Variants in CARD14 observed in about 807,000 individuals in gnomAD.
CARD14 encodes the protein caspase recruitment domain-containing protein 14.
Under a neutral mutation model 111.5 loss-of-function variants are expected in CARD14, and 107 were observed. The ratio of observed to expected loss-of-function variants is 0.96; its 90% CI spans 0.82 to 1.13. The LOEUF (loss-of-function observed/expected upper bound fraction) is 1.13, where lower values mean the gene tolerates loss of function less well. Among genes scored for constraint, CARD14 ranks in the 50% most tolerant of loss-of-function variants. The pLI, the probability that CARD14 is intolerant of heterozygous loss-of-function variation, is 0.00. For synonymous variants in CARD14, 617 were observed against 579.6 expected (o/e 1.06, Z -0.93); for missense variants, 1,322 against 1,362.3 (o/e 0.97, Z 0.47).
chr17:80,175,756 C>G (rs570120982), intron 2 of CARD14, among the ~76,000 whole-genome samples: 195 of 152,088 alleles, frequency 1.3e-3, no homozygotes, highest in Non-Finnish European at 2.4e-3. Context: ...GGGGGCCCAG[C>G]CTAGGCTGAA....
At chr17:80,174,339 A>G (rs1442578388) in intron 2 of CARD14, among the ~76,000 whole-genome samples, 2 of 152,192 alleles carry the variant, frequency 1.3e-5, no homozygotes, top group African/African-American at 4.8e-5. Flanking sequence ...CAGCCTCCCA[A>G]GTAGTTGGGA....
At chr17:80,172,084 T>C (rs1169988398) in intron 1 of CARD14, among the ~76,000 whole-genome samples, 1 of 152,252 alleles carries the variant, frequency 6.6e-6, no homozygotes, top group Non-Finnish European at 1.5e-5. Flanking sequence ...CAACTCGATA[T>C]AGTAAGATAC....
rs1192824295 is a variant in CARD14 at position 80,181,425 on chromosome 17, C to G, written c.-14C>G. On this transcript the variant is annotated 5_prime_UTR_variant, in exon 5 of 24. Transcript: ENST00000648509. ...CCATGGCCACCCCTCCTAGGGTCCT[C>G]CCAGCGCCCAGCCATGGGGGAACTG... The G allele has an allele frequency of 1.3e-6, 2 of 1,556,498 alleles. No individual in the cohort carries two copies. Among genetic ancestry groups the G allele is most frequent in the Non-Finnish European group, 1.7e-6 (2 of 1,150,016 alleles).
At chr17:80,177,888 A>G (rs2040063791) in intron 2 of CARD14, among the ~76,000 whole-genome samples, 1 of 152,036 alleles carries the variant, frequency 6.6e-6, no homozygotes, top group Admixed American at 6.6e-5. Flanking sequence ...ACTAGGGCCC[A>G]CCCTAATGAC....
rs2040501890 is a variant in CARD14, at chr17:80,190,829, G to A, written c.1019G>A (p.Cys340Tyr). The change falls in exon 10 of 24, where the codon TGC becomes TAC. Residue 340 changes from cysteine (C) to tyrosine (Y), a missense_variant. Transcript: ENST00000648509. Reference protein sequence around the residue: ...LLQFQKSKMACQLYREKVNAL... With the variant: ...LLQFQKSKMAYQLYREKVNAL... ...CAGTTCCAGAAGAGTAAGATGGCCT[G>A]CCAACTCTACAGGGAGAAGGTGAAT... 12 of 1,614,000 alleles carry A rather than the reference G, an allele frequency of 7.4e-6. No individual in the cohort carries two copies. Among genetic ancestry groups the A allele is most frequent in the South Asian group, 1.1e-5 (1 of 91,080 alleles).
At position 80,205,544 on chromosome 17, in the gene CARD14, G is replaced by A; in HGVS notation, c.2583G>A (p.Gln861=). The A allele has an allele frequency of 6.3e-7, 1 of 1,586,332 alleles. No individual in the cohort carries two copies. Among genetic ancestry groups the A allele is most frequent in the Non-Finnish European group, 8.6e-7 (1 of 1,165,642 alleles). Reference sequence around the variant, plus strand: ...TGTCACCTGTAGAGTACTTGAGCCAGGAGGAGTATGAGGCCTGGAGCCAGA... The same window carrying A: ...TGTCACCTGTAGAGTACTTGAGCCAAGAGGAGTATGAGGCCTGGAGCCAGA... ...FKKCLAEYLS[Q]EEYEAWSQRG... is the part of the protein sequence containing the mutation. The change falls in exon 22 of 24, where the codon CAG becomes CAA. Residue 861 remains glutamine, a synonymous_variant. Coordinates refer to ENST00000648509, the MANE Select transcript of CARD14 (RefSeq NM_001366385.1).
chr17:80,170,818 CCCTCCTCTCCCCTCT>C (rs1251180417), intron 1 of CARD14, among the ~76,000 whole-genome samples: 9 of 105,388 alleles, frequency 8.5e-5, no homozygotes, highest in Non-Finnish European at 1.4e-4. Context: ...CTCTCCCCTC[CCCTCCTCTCCCCTCT>C]CCTCCCCTCC....
chr17:80,188,462 C>T lies in CARD14; in HGVS notation c.761C>T (p.Ala254Val). The change falls in exon 8 of 24, where the codon GCC (alanine) becomes GTC (valine). Residue 254 changes from alanine (A) to valine (V), a missense_variant. Ala to Val is a moderately conservative substitution (Grantham distance 64). Coordinates refer to ENST00000648509, the MANE Select transcript of CARD14 (RefSeq NM_001366385.1). This position sits in a 1 kb window ranked among gnomAD's most constrained non-coding sequence, Gnocchi z 4.5. ...LELQEQSLRT[A>V]SDQESGDEEL... is the part of the protein sequence containing the mutation. Reference sequence around the variant, plus strand: ...TTGCAAGAGCAGTCCCTGAGGACAGCCAGCGACCAGGAGTCCGGGGATGAG... The same window carrying T: ...TTGCAAGAGCAGTCCCTGAGGACAGTCAGCGACCAGGAGTCCGGGGATGAG... 2 of 1,601,666 alleles carry T rather than the reference C, an allele frequency of 1.2e-6. No individual in the cohort carries two copies. Among genetic ancestry groups the T allele is most frequent in the Non-Finnish European group, 1.7e-6 (2 of 1,174,860 alleles).
At position 80,205,530 on chromosome 17, in the gene CARD14, G is replaced by C. The variant is rs768494068; in HGVS notation, c.2570-1G>C. On this transcript the variant is annotated splice_acceptor_variant, in intron 21 of 23. Transcript: ENST00000648509. LOFTEE classifies it high-confidence loss of function. ...ATGGCCCCGTCCAATGTCACCTGTA[G>C]AGTACTTGAGCCAGGAGGAGTATGA... is the stretch of plus-strand genomic sequence containing the variant. The C allele has an allele frequency of 2.5e-6, 4 of 1,585,206 alleles. No homozygotes were observed. In the Admixed American group the frequency reaches 5.4e-5, roughly 21 times the overall value.
Position 80,198,844 on chromosome 17 carries a change from C to T in CARD14, c.1851+253C>T. 1.4e-6 allele frequency: 2 copies of T among 1,451,708 alleles called. No individual in the cohort carries two copies. The highest frequency in any genetic ancestry group is 9.0e-7 in the Non-Finnish European group (1 of 1,106,620). The allele number at this position is 1,451,708 out of a possible 1,614,324, so 89.9% of individuals were successfully genotyped here. On this transcript the variant is annotated intron_variant, in intron 16 of 23. Coordinates refer to ENST00000648509, the MANE Select transcript of CARD14 (RefSeq NM_001366385.1). The surrounding 1 kb of genome is among the most constrained non-coding windows in gnomAD (Gnocchi z 7.5). The stretch of plus-strand genomic sequence containing the variant: ...CTGACCAGGGGTCTTTGCATGAGGC[C>T]CCTTGACAGGGCTGCTCTGGGTGGT...
Position 80,189,768 on chromosome 17 carries a change from C to G in CARD14, c.859C>G (p.Leu287Val). Reference sequence around the variant, plus strand: ...TCTGCCCCAGGCGGAGAAGGACATTCTGGAGCAGAGCCTGGACGAGGCGCG... The same window carrying G: ...TCTGCCCCAGGCGGAGAAGGACATTGTGGAGCAGAGCCTGGACGAGGCGCG... ...LTFSLAEKDI[L>V]EQSLDEARGS... is the part of the protein sequence containing the mutation. The change falls in exon 9 of 24, where the codon CTG (leucine) becomes GTG (valine). Residue 287 changes from leucine to valine, a missense_variant. By Grantham distance (32) the Leu-to-Val change is conservative. Coordinates refer to ENST00000648509, the MANE Select transcript of CARD14 (RefSeq NM_001366385.1). The surrounding 1 kb of genome is among the most constrained non-coding windows in gnomAD (Gnocchi z 4.7). The G allele has an allele frequency of 1.9e-6, 3 of 1,584,018 alleles. No homozygotes were observed. Among genetic ancestry groups the G allele is most frequent in the Non-Finnish European group, 8.6e-7 (1 of 1,168,860 alleles).
At position 80,183,946 on chromosome 17, in the gene CARD14, T is replaced by A; in HGVS notation, c.383T>A (p.Leu128Gln). ...LMETSKLTECLAGAIGSLQEE... is the reference protein window; with the variant it reads ...LMETSKLTECQAGAIGSLQEE... Reference sequence around the variant, plus strand: ...GAGACATCCAAGCTGACCGAGTGCCTGGCTGGGGCCATCGGCAGCCTGCAG... The same window carrying A: ...GAGACATCCAAGCTGACCGAGTGCCAGGCTGGGGCCATCGGCAGCCTGCAG... The change falls in exon 7 of 24, where the codon CTG becomes CAG. Residue 128 changes from leucine (L) to glutamine (Q), a missense_variant. Transcript: ENST00000648509. 6.5e-7 allele frequency: 1 copy of A among 1,536,930 alleles called. No individual in the cohort carries two copies. The highest frequency in any genetic ancestry group is 8.8e-7 in the Non-Finnish European group (1 of 1,140,458).
chr17:80,179,942 C>G (rs2040116931), intron 4 of CARD14, among the ~76,000 whole-genome samples: 2 of 152,150 alleles, frequency 1.3e-5, no homozygotes, highest in Non-Finnish European at 1.5e-5. Flanking sequence ...AAAAAGAAAC[C>G]TGAAGTGCAG....
chr17:80,188,441 A>G lies in CARD14; in HGVS notation c.740A>G (p.Gln247Arg). 6.2e-7 allele frequency: 1 copy of G among 1,609,982 alleles called. No individual in the cohort carries two copies. The highest frequency in any genetic ancestry group is 8.5e-7 in the Non-Finnish European group (1 of 1,178,188). ...NMVSSCELELQEQSLRTASDQ... is the reference protein window; with the variant it reads ...NMVSSCELELREQSLRTASDQ... ...GTTTCCTCCTGTGAGCTGGAATTGCAAGAGCAGTCCCTGAGGACAGCCAGC... is the reference window on the plus strand; with the variant it reads ...GTTTCCTCCTGTGAGCTGGAATTGCGAGAGCAGTCCCTGAGGACAGCCAGC... The change falls in exon 8 of 24, where the codon CAA (glutamine) becomes CGA (arginine). Residue 247 changes from glutamine (Q) to arginine (R), a missense_variant. Gln to Arg is a conservative substitution (Grantham distance 43). Transcript: ENST00000648509. This position sits in a 1 kb window ranked among gnomAD's most constrained non-coding sequence, Gnocchi z 4.5.
intron 11 of CARD14, 64 bp from the exon 12 acceptor site, chr17:80,192,439 C>A: frequency 2.3e-6 from 3 of 1,283,562 alleles, no homozygotes; most frequent in Non-Finnish European, 2.2e-6. Context: ...CTGGTAGAAA[C>A]TCCACGGGCC....
At position 80,198,719 on chromosome 17, in the gene CARD14, T is replaced by C; in HGVS notation, c.1851+128T>C. The C allele has an allele frequency of 2.5e-6, 4 of 1,573,906 alleles. No homozygotes were observed. The highest frequency in any genetic ancestry group is 3.4e-6 in the Non-Finnish European group (4 of 1,161,776). On this transcript the variant is annotated intron_variant, in intron 16 of 23. Coordinates refer to ENST00000648509, the MANE Select transcript of CARD14 (RefSeq NM_001366385.1). The surrounding 1 kb of genome is among the most constrained non-coding windows in gnomAD (Gnocchi z 7.5). ...TCCACTCTGGGCTGGGCCTCTGCTC[T>C]TTCCTGGGCTGACGTAAAGCGTTCT...
In CARD14 at chr17:80,192,539, C is replaced by T. The variant is rs201308755; in HGVS notation, c.1276C>T (p.Arg426Trp). Residue 426 changes from arginine (R) to tryptophan (W), a missense_variant, in exon 12 of 24, where the codon CGG becomes TGG. Transcript: ENST00000648509. Reference sequence around the variant, plus strand: ...AGCCAGGACCAGGGAGCCCTGTCCACGGGAGAAGCAGCGGCTGGTGCGGAT... The same window carrying T: ...AGCCAGGACCAGGGAGCCCTGTCCATGGGAGAAGCAGCGGCTGGTGCGGAT... ...QEARTREPCP[R>W]EKQRLVRMHA... 1.6e-4 allele frequency: 257 copies of T among 1,613,682 alleles called. 4 individuals carry two copies. In the South Asian group the frequency reaches 2.4e-3, roughly 15 times the overall value.
At chr17:80,192,744 G>A in intron 12 of CARD14, 125 bp downstream of exon 12, 1 of 636,050 alleles carries the variant, frequency 1.6e-6, no homozygotes, top group South Asian at 2.2e-5. Context: ...TGGTACGATT[G>A]TGAGAGTTTT....
chr17:80,181,379 G>A (rs944135318), intron 4 of CARD14, 40 bp from the exon 5 acceptor site: 29 of 1,486,950 alleles, frequency 2.0e-5, no homozygotes, highest in South Asian at 2.5e-5. Flanking sequence ...CTGGGGTCCT[G>A]CTTACCTGAC....
Sources: gnomAD v4.1 joint callset for allele counts (sites outside exome capture counted in the v4.1 genomes callset) on GRCh38, gnomAD v4.1.1 for gene constraint, Gnocchi (gnomAD v3.1) non-coding constraint, MANE v1.5 for transcripts, NCBI Gene and HGNC (gene_info 2026-07-23, HGNC 2026-07-21) for gene names.